Variants in SATL1 observed in about 807,000 individuals in gnomAD.
SATL1 encodes spermidine/spermine N(1)-acetyltransferase-like protein 1.
A neutral mutation model predicts 51.8 loss-of-function variants in SATL1; 47 were observed. That is an observed-to-expected ratio of 0.91 (90% CI 0.72 to 1.16). The LOEUF (loss-of-function observed/expected upper bound fraction) is 1.16. Among genes scored for constraint, SATL1 ranks in the 50% most tolerant of loss-of-function variants. SATL1 has a pLI of 0.00. For missense variants in SATL1, 520 were observed against 526.4 expected (o/e 0.99, Z 0.12); for synonymous variants, 176 against 182.4 (o/e 0.97, Z 0.28).
At chrX:85,188,296 T>G (rs770857500) in intron 2 of SATL1, among the ~76,000 whole-genome samples, 13 of 111,402 alleles carry the variant, frequency 1.2e-4, no homozygotes, top group Non-Finnish European at 2.1e-4. Context: ...TAAGGGTCCT[T>G]TTAGATATGA....
intron 2 of SATL1, among the ~76,000 whole-genome samples, chrX:85,138,493 G>GT (rs894043721): frequency 8.1e-5 from 9 of 111,175 alleles, no homozygotes; most frequent in East Asian, 5.7e-4. Flanking sequence ...TGACTCGGGA[G>GT]TTTTTTTTGT....
At chrX:85,224,108 T>C (rs2880618) in intron 2 of SATL1, 97 bp downstream of exon 2, 14,409 of 111,191 alleles carry the variant, frequency 0.13, 711 homozygotes, top group South Asian at 0.18. Flanking sequence ...CAGCAGCTAT[T>C]TATTCTCTCA....
intron 2 of SATL1, among the ~76,000 whole-genome samples, chrX:85,133,922 A>G (rs1370942711): frequency 1.8e-5 from 2 of 112,269 alleles, no homozygotes; most frequent in African/African-American, 6.5e-5. Flanking sequence ...AAAATGCTAT[A>G]TTCACATTGT....
At chrX:85,138,974 ATAT>A (rs1287200128) in intron 2 of SATL1, among the ~76,000 whole-genome samples, 1 of 111,681 alleles carries the variant, frequency 9.0e-6, no homozygotes, top group Non-Finnish European at 1.9e-5. Flanking sequence ...ATCATTGAAA[ATAT>A]TATTATTACT....
intron 2 of SATL1, among the ~76,000 whole-genome samples, chrX:85,149,451 T>C (rs1926356400): frequency 1.8e-5 from 2 of 111,601 alleles, no homozygotes; most frequent in Non-Finnish European, 3.8e-5. Flanking sequence ...AACTCAGCTC[T>C]GCATCAAGCG....
At chrX:85,236,265 A>G (rs781206887) in intron 1 of SATL1, among the ~76,000 whole-genome samples, 3 of 111,354 alleles carry the variant, frequency 2.7e-5, no homozygotes, top group Admixed American at 9.5e-5. Context: ...TTAAAGAATT[A>G]ATACCAATCC....
chrX:85,099,046 A>G (rs1271924937), intron 4 of SATL1, among the ~76,000 whole-genome samples: 1 of 111,689 alleles, frequency 9.0e-6, no homozygotes, highest in Non-Finnish European at 1.9e-5. Context: ...AGACTGACAA[A>G]GAGGATGCAA....
intron 2 of SATL1, among the ~76,000 whole-genome samples, chrX:85,129,560 GT>G (rs1925721831): frequency 9.0e-6 from 1 of 111,719 alleles, no homozygotes; most frequent in South Asian, 3.7e-4. Flanking sequence ...AGACGATGGG[GT>G]TTTTTAAATA....
Position 85,132,802 on chromosome X carries a change from C to T in SATL1, c.-312-23522G>A, listed in dbSNP as rs12010691. Reference sequence around the variant, plus strand: ...ATCTTTGTGGTTTTATCTATGTTTGCGCTTTGATGATGGTGACCTACAGAT... The same window carrying T: ...ATCTTTGTGGTTTTATCTATGTTTGTGCTTTGATGATGGTGACCTACAGAT... On this transcript the variant is annotated intron_variant, in intron 2 of 7. Transcript: ENST00000644105. Among the ~76,000 whole-genome samples the T allele has an allele frequency of 6.6e-3, 739 of 111,785 alleles. 9 individuals carry two copies. Among genetic ancestry groups the T allele is most frequent in the African/African-American group, 0.023 (698 of 30,812 alleles).
chrX:85,142,231 C>T (rs776948697), intron 2 of SATL1, among the ~76,000 whole-genome samples: 34 of 105,794 alleles, frequency 3.2e-4, no homozygotes, highest in African/African-American at 1.2e-3. Flanking sequence ...CCCGTCTCTA[C>T]TAAAAATACA....
At chrX:85,138,128 A>G (rs1486037106) in intron 2 of SATL1, among the ~76,000 whole-genome samples, 3 of 112,605 alleles carry the variant, frequency 2.7e-5, no homozygotes, top group Non-Finnish European at 5.6e-5. Context: ...TGAAAATTCC[A>G]AAGTCTCTGC....
intron 2 of SATL1, among the ~76,000 whole-genome samples, chrX:85,166,941 ATGTGTGTG>A (rs60077558): frequency 0.036 from 2,811 of 77,535 alleles, 91 homozygotes; most frequent in African/African-American, 0.096. Context: ...ATATATGTGT[ATGTGTGTG>A]TGTGTGTGTG....
In SATL1 at chrX:85,136,172, G is replaced by A. The variant is rs1925950223; in HGVS notation, c.-312-26892C>T. Among the ~76,000 whole-genome samples, 3 of 110,025 alleles carry A rather than the reference G, an allele frequency of 2.7e-5. No individual in the cohort carries two copies. In the South Asian group the frequency reaches 1.2e-3, roughly 44 times the overall value. On this transcript the variant is annotated intron_variant, in intron 2 of 7. Transcript: ENST00000644105. ...CAATTTAATGAAACATGGCATATAG[G>A]AGAAAGAATAGATAGGGAGACAAGA...
At chrX:85,163,964 G>A (rs971146949) in intron 2 of SATL1, among the ~76,000 whole-genome samples, 1 of 111,641 alleles carries the variant, frequency 9.0e-6, no homozygotes, top group African/African-American at 3.3e-5. Flanking sequence ...TATATATTTA[G>A]GACTGTGATA....
At chrX:85,212,571 G>A (rs1194491411) in intron 2 of SATL1, 3 of 111,559 alleles carry the variant, frequency 2.7e-5, no homozygotes, top group Admixed American at 9.5e-5. Flanking sequence ...TCATTTATTC[G>A]TTTCCCACAG....
intron 2 of SATL1, among the ~76,000 whole-genome samples, chrX:85,145,412 C>A (rs892889996): frequency 9.0e-6 from 1 of 111,695 alleles, no homozygotes; most frequent in African/African-American, 3.3e-5. Flanking sequence ...ACTAGGTGCC[C>A]AATAAATCTT....
intron 2 of SATL1, among the ~76,000 whole-genome samples, chrX:85,136,957 G>A (rs994199296): frequency 9.0e-6 from 1 of 111,694 alleles, no homozygotes; most frequent in African/African-American, 3.3e-5. Context: ...TCTGTCTGTC[G>A]CTCTGTCACT....
Position 85,092,425 on chromosome X carries a change from C to G in SATL1, c.2054G>C (p.Arg685Thr). 8.4e-7 allele frequency: 1 copy of G among 1,185,763 alleles called. No individual in the cohort carries two copies. The highest frequency in any genetic ancestry group is 1.1e-6 in the Non-Finnish European group (1 of 882,426). ...CCATGCCATGTCCAGGAGTTCTTCT[C>G]TGTTAAACCTGAAGAGATGCCAGCC... is the stretch of plus-strand genomic sequence containing the variant. ...EEGWHLFRFN[R>T]EELLDMAWEE The change falls in exon 8 of 8, where the codon AGA (arginine) becomes ACA (threonine). Residue 685 changes from arginine (R) to threonine (T), a missense_variant. Arg to Thr is a moderately conservative substitution (Grantham distance 71). Around this residue, in one of 3 missense-constraint regions of SATL1, gnomAD observed 488 missense variants for 474.3 expected, o/e 1.03. Coordinates refer to ENST00000644105, the MANE Select transcript of SATL1 (RefSeq NM_001367857.2).
chrX:85,234,047 C>T (rs1309992929), intron 1 of SATL1, among the ~76,000 whole-genome samples: 1 of 110,490 alleles, frequency 9.1e-6, no homozygotes, highest in African/African-American at 3.3e-5. Flanking sequence ...CTAAACACAG[C>T]AAGATAAAAG....
Sources: allele counts gnomAD v4.1 joint callset (sites outside exome capture counted in the v4.1 genomes callset), GRCh38; gene constraint gnomAD v4.1.1; regional missense constraint gnomAD v4.1.1; transcripts MANE v1.5; gene names NCBI Gene and HGNC (gene_info 2026-07-23, HGNC 2026-07-21).